Variants in PTPN13 observed in about 807,000 individuals in gnomAD.
PTPN13 encodes protein tyrosine phosphatase non-receptor type 13, also known as tyrosine-protein phosphatase non-receptor type 13.
Under a neutral mutation model 284.0 loss-of-function variants are expected in PTPN13, and 191 were observed. That is an observed-to-expected ratio of 0.67 (90% CI 0.60 to 0.76). The LOEUF is 0.76. Among genes scored for constraint, PTPN13 ranks in the 30% least tolerant of loss-of-function variants. The pLI is 0.00. For missense variants in PTPN13, 2,797 were observed against 2,939.9 expected, an observed-to-expected ratio of 0.95 and a Z score of 1.12; for synonymous variants, 986 against 1,022.3, an observed-to-expected ratio of 0.96 and a Z score of 0.68.
At chr4:86,683,008 T>C (rs1729062738) in intron 3 of PTPN13, among the ~76,000 whole-genome samples, 1 of 152,190 alleles carries the variant, frequency 6.6e-6, no homozygotes, top group Non-Finnish European at 1.5e-5. Flanking sequence ...AAAATATTAC[T>C]AAAAGTGTGG....
chr4:86,596,277 C>G (rs1254649391), intron 1 of PTPN13, among the ~76,000 whole-genome samples: 1 of 152,082 alleles, frequency 6.6e-6, no homozygotes, highest in Non-Finnish European at 1.5e-5. Context: ...CTTGCTTTAC[C>G]ATTATGTAGG....
chr4:86,595,850 G>A (rs1484671793), intron 1 of PTPN13: 9 of 729,538 alleles, frequency 1.2e-5, no homozygotes, highest in African/African-American at 1.9e-5. Context: ...AAGGATGGGG[G>A]GGGGAGTAAA....
At chr4:86,714,338 T>C (rs1578476737) in intron 7 of PTPN13, among the ~76,000 whole-genome samples, 1 of 152,182 alleles carries the variant, frequency 6.6e-6, no homozygotes, top group Non-Finnish European at 1.5e-5. Context: ...CCCTTGTCTG[T>C]TAGTTACCTC....
Position 86,643,851 on chromosome 4 carries a change from C to G in PTPN13, c.115+8480C>G, listed in dbSNP as rs545902459. Among the ~76,000 whole-genome samples, 13 of 152,132 alleles carry G rather than the reference C, an allele frequency of 8.5e-5. No individual in the cohort carries two copies. In the South Asian group the frequency reaches 2.7e-3, roughly 32 times the overall value. On this transcript the variant is annotated intron_variant, in intron 2 of 47. Transcript: ENST00000411767. Reference sequence around the variant, plus strand: ...TAAAGCAAATCATTATGAACTTACACCTATTTAGAGCTATAAAATCACTTC... The same window carrying G: ...TAAAGCAAATCATTATGAACTTACAGCTATTTAGAGCTATAAAATCACTTC...
intron 3 of PTPN13, among the ~76,000 whole-genome samples, chr4:86,685,940 T>G (rs903102758): frequency 1.3e-5 from 2 of 152,224 alleles, no homozygotes; most frequent in Non-Finnish European, 2.9e-5. Context: ...TGAAAAAAAT[T>G]TTAATTCTCT....
chr4:86,645,408 C>T (rs1204057267), intron 2 of PTPN13, among the ~76,000 whole-genome samples: 1 of 152,040 alleles, frequency 6.6e-6, no homozygotes, highest in Non-Finnish European at 1.5e-5. Flanking sequence ...AAATAAAAGG[C>T]ATCCAGATTA....
At chr4:86,644,409 G>A (rs1724178812) in intron 2 of PTPN13, among the ~76,000 whole-genome samples, 1 of 152,096 alleles carries the variant, frequency 6.6e-6, no homozygotes, top group African/African-American at 2.4e-5. Flanking sequence ...CAAAGTGTTA[G>A]GATTACAGGC....
At chr4:86,630,508 T>G (rs576475521) in intron 1 of PTPN13, among the ~76,000 whole-genome samples, 91 of 152,302 alleles carry the variant, frequency 6.0e-4, no homozygotes, top group Non-Finnish European at 1.0e-3. Context: ...TAAAAAATAC[T>G]AATATATGGG....
rs755471362 is a variant in PTPN13, at chr4:86,775,376, T to TTCTTTTGTTAGC, written c.5680+38_5680+39insTTGTTAGCTCTT. 5.6e-6 allele frequency: 9 copies of TTCTTTTGTTAGC among 1,604,340 alleles called. No homozygotes were observed. In the South Asian group the frequency reaches 1.0e-4, roughly 18 times the overall value. ...AAGTCAAACTTTGTACAATATGATT[T>TTCTTTTGTTAGC]TCTTGGTTAGCTTAAGAGTAAGTAC... is the stretch of plus-strand genomic sequence containing the variant. On this transcript the variant is annotated intron_variant, in intron 34 of 47. Transcript: ENST00000411767.
At chr4:86,629,550 T>C (rs1263529333) in intron 1 of PTPN13, among the ~76,000 whole-genome samples, 1 of 152,198 alleles carries the variant, frequency 6.6e-6, no homozygotes, top group Non-Finnish European at 1.5e-5. Context: ...AGCAAAGATG[T>C]TTAATTTTGA....
intron 9 of PTPN13, 148 bp from the exon 10 acceptor site, chr4:86,722,064 C>T (rs1348248608): frequency 3.0e-6 from 2 of 668,108 alleles, no homozygotes; most frequent in Non-Finnish European, 5.1e-6. Flanking sequence ...TTCTTCATAC[C>T]ATACTGTGTA....
intron 41 of PTPN13, among the ~76,000 whole-genome samples, chr4:86,798,181 C>G (rs979947598): frequency 6.6e-6 from 1 of 152,186 alleles, no homozygotes; most frequent in Non-Finnish European, 1.5e-5. Context: ...TAATTTCCCA[C>G]TGAAGCTCAC....
chr4:86,604,316 T>C (rs1164788762), intron 1 of PTPN13, among the ~76,000 whole-genome samples: 2 of 152,056 alleles, frequency 1.3e-5, no homozygotes, highest in Admixed American at 6.6e-5. Context: ...TATAAAATGA[T>C]TGGGCATAGC....
intron 7 of PTPN13, among the ~76,000 whole-genome samples, chr4:86,711,361 T>G (rs1732397558): frequency 6.6e-6 from 1 of 152,074 alleles, no homozygotes; most frequent in East Asian, 1.9e-4. Context: ...ATTGTTTTCA[T>G]TCTTTCATGA....
chr4:86,755,640 C>T (rs1399212393), intron 20 of PTPN13, among the ~76,000 whole-genome samples: 1 of 151,954 alleles, frequency 6.6e-6, no homozygotes, highest in African/African-American at 2.4e-5. Context: ...CCTTACAACC[C>T]TTCTGTTTTT....
At chr4:86,693,132 A>T (rs1207548341) in intron 5 of PTPN13, among the ~76,000 whole-genome samples, 1 of 151,732 alleles carries the variant, frequency 6.6e-6, no homozygotes, top group Non-Finnish European at 1.5e-5. Flanking sequence ...GAAGGGCAAG[A>T]TCTATAAAAT....
intron 24 of PTPN13, 57 bp from the exon 25 acceptor site, chr4:86,764,536 A>T: frequency 7.7e-7 from 1 of 1,295,764 alleles, no homozygotes; most frequent in Non-Finnish European, 1.0e-6. Context: ...AAAAAAAGAA[A>T]AATTATAATT....
At chr4:86,792,737 G>C (rs751411174) in intron 40 of PTPN13, among the ~76,000 whole-genome samples, 1 of 152,168 alleles carries the variant, frequency 6.6e-6, no homozygotes, top group Non-Finnish European at 1.5e-5. Context: ...GTTCAACTCA[G>C]AATCTCATAT....
At chr4:86,792,265 G>A (rs1053112175) in intron 40 of PTPN13, among the ~76,000 whole-genome samples, 1 of 152,168 alleles carries the variant, frequency 6.6e-6, no homozygotes, top group Non-Finnish European at 1.5e-5. Context: ...ATCAGTGATT[G>A]AAGATCAAAT....
Sources: gnomAD v4.1 joint callset for allele counts (sites outside exome capture counted in the v4.1 genomes callset) on GRCh38, gnomAD v4.1.1 for gene constraint, MANE v1.5 for transcripts, NCBI Gene and HGNC (gene_info 2026-07-23, HGNC 2026-07-21) for gene names.